The following ZBED6 variants were observed in gnomAD, a reference collection of about 807,000 sequenced individuals.
ZBED6 encodes zinc finger BED domain-containing protein 6.
A neutral mutation model predicts 58.4 loss-of-function variants in ZBED6; 40 were observed. The ratio of observed to expected loss-of-function variants is 0.68; its 90% CI spans 0.53 to 0.89. The LOEUF is 0.89. Among genes scored for constraint, ZBED6 ranks in the 40% least tolerant of loss-of-function variants. The pLI is 0.00. For synonymous variants in ZBED6, 439 were observed against 350.6 expected (o/e 1.25, Z -2.82); for missense variants, 1,057 against 1,003.9 (o/e 1.05, Z -0.71).
At chr1:203,820,468 A>ATGTGTGTGTGTGTGTGTGTGTGTGTGTG (rs71145033) in intron 3 of ZBED6, among the ~76,000 whole-genome samples, 1,876 of 150,458 alleles carry the variant, frequency 0.012, 18 homozygotes, top group South Asian at 0.04. Flanking sequence ...ATCACAAATT[A>ATGTGTGTGTGTGTGTGTGTGTGTGTGTG]TGTGTGTGTG....
chr1:203,826,292 C>G (rs1680492073), intron 3 of ZBED6, among the ~76,000 whole-genome samples: 1 of 151,472 alleles, frequency 6.6e-6, no homozygotes, highest in South Asian at 2.1e-4. Context: ...AGGTAGTGTG[C>G]CCACAGTAGC....
intron 1 of ZBED6, among the ~76,000 whole-genome samples, chr1:203,811,055 C>T (rs1674310594): frequency 1.3e-5 from 2 of 151,068 alleles, no homozygotes; most frequent in Admixed American, 6.6e-5. Flanking sequence ...GCAAGAGAAT[C>T]GCTTGAAACC....
intron 1 of ZBED6, among the ~76,000 whole-genome samples, chr1:203,807,518 T>TA (rs1672779576): frequency 6.6e-6 from 1 of 151,878 alleles, no homozygotes; most frequent in Non-Finnish European, 1.5e-5. Flanking sequence ...TGTTTTGTCT[T>TA]ACTGTTTTTT....
intron 1 of ZBED6, among the ~76,000 whole-genome samples, chr1:203,815,219 T>TTTTC (rs1675922592): frequency 7.7e-6 from 1 of 129,618 alleles, no homozygotes; most frequent in African/African-American, 2.9e-5. Context: ...TTCTTTTCTT[T>TTTTC]TTTTTTTTTT....
exon 1 of ZBED6, chr1:203,801,443 T>C (rs1410386043): frequency 1.3e-5 from 2 of 152,270 alleles, no homozygotes; most frequent in Admixed American, 6.5e-5. Context: ...TTAAGATCCC[T>C]TTCTACTCTG....
chr1:203,810,385 C>T (rs1490993318), intron 1 of ZBED6, among the ~76,000 whole-genome samples: 2 of 148,990 alleles, frequency 1.3e-5, no homozygotes, highest in Non-Finnish European at 3.0e-5. Flanking sequence ...TTCTTTATCT[C>T]TTATTTCCTT....
chr1:203,812,449 A>T (rs1286050502), intron 1 of ZBED6, among the ~76,000 whole-genome samples: 1 of 152,068 alleles, frequency 6.6e-6, no homozygotes, highest in Non-Finnish European at 1.5e-5. Context: ...TGCAAAGGAC[A>T]TGATTTTGTT....
At chr1:203,808,990 C>G (rs935621057) in intron 1 of ZBED6, among the ~76,000 whole-genome samples, 2 of 151,784 alleles carry the variant, frequency 1.3e-5, no homozygotes, top group African/African-American at 4.8e-5. Flanking sequence ...GCCACCACGC[C>G]CAGCTAATTT....
chr1:203,810,487 T>G (rs1674053583), intron 1 of ZBED6, among the ~76,000 whole-genome samples: 1 of 150,598 alleles, frequency 6.6e-6, no homozygotes, highest in Admixed American at 6.6e-5. Context: ...TGGCGCGATC[T>G]CAGCTCACTG....
chr1:203,819,136 G>GTATATGTGTGTATATACACACACGTGTA (rs1194758022), intron 3 of ZBED6, among the ~76,000 whole-genome samples: 1 of 143,770 alleles, frequency 7.0e-6, no homozygotes, highest in African/African-American at 2.8e-5. Flanking sequence ...ATATACATAT[G>GTATATGTGTGTATATACACACACGTGTA]TATATGTGTG....
chr1:203,848,198 CA>C (rs2103414845), intron 12 of ZBED6, 132 bp from the exon 13 acceptor site: 4 of 751,144 alleles, frequency 5.3e-6, no homozygotes, highest in South Asian at 1.9e-5. Flanking sequence ...ACTTTAGGAG[CA>C]CAGATGGGCT....
chr1:203,821,197 C>A (rs139488525), intron 3 of ZBED6, among the ~76,000 whole-genome samples: 15 of 152,258 alleles, frequency 9.9e-5, no homozygotes, highest in African/African-American at 3.6e-4. Flanking sequence ...CCTTTGCTCG[C>A]GCTCTCTTGC....
At chr1:203,824,938 A>C (rs1200016784) in intron 3 of ZBED6, among the ~76,000 whole-genome samples, 1 of 151,988 alleles carries the variant, frequency 6.6e-6, no homozygotes, top group Non-Finnish European at 1.5e-5. Context: ...TTAGCCGGGC[A>C]TGGTGACACG....
intron 15 of ZBED6, 28 bp from the exon 16 acceptor site, chr1:203,851,029 C>G (rs1392072529): frequency 6.2e-7 from 1 of 1,611,304 alleles, no homozygotes; most frequent in South Asian, 1.1e-5. Flanking sequence ...CTGACTCTCA[C>G]TGAATTACCT....
chr1:203,800,491 C>T, exon 1 of ZBED6: 1 of 1,458,994 alleles, frequency 6.9e-7, no homozygotes, highest in Non-Finnish European at 9.0e-7. Flanking sequence ...AAATGGGCAA[C>T]TTTTTGCTGT....
intron 11 of ZBED6, 87 bp downstream of exon 11, chr1:203,840,461 T>C (rs1685750951): frequency 1.5e-6 from 2 of 1,350,380 alleles, no homozygotes; most frequent in Admixed American, 2.3e-5. Context: ...TGTTGCTTGC[T>C]AGGGCTTTTG....
chr1:203,806,384 C>A lies in ZBED6; in HGVS notation c.*2554+3368C>A, dbSNP rs971437578. ...TGGCATAATCTTGGCTCACTGCAGC[C>A]TCTGCCTTCCGGGTTCAAGCGATTC... On this transcript the variant is annotated intron_variant, in intron 1 of 16. Transcript: ENST00000550078. The A allele has an allele frequency of 2.7e-5, 5 of 187,174 alleles. No individual in the cohort carries two copies. The Admixed American group carries it at 3.0e-4, about 11-fold the overall frequency. 11.6% of individuals were successfully genotyped at this position (187,174 alleles called of 1,614,324 possible). A position where few individuals can be genotyped will look rare whatever the true frequency, so the allele number is the denominator to read the frequency against.
At position 203,831,802 on chromosome 1, in the gene ZBED6, A is replaced by G. The variant is rs16852383; in HGVS notation, c.*3510+31A>G. The G allele has an allele frequency of 2.1e-3, 3,217 of 1,547,864 alleles. 76 individuals are homozygous for G. In the African/African-American group the frequency reaches 0.04, roughly 19 times the overall value. ...GTATAGATAGGTCTTAGAGTTGTCA[A>G]GCCTCTACTTTTATATAATTGGGAA... On this transcript the variant is annotated intron_variant, in intron 8 of 16. Transcript: ENST00000550078.
rs978766546 is a variant in ZBED6 at position 203,797,993 on chromosome 1, C to T, written c.471C>T (p.Ser157=). ...CCATTTGTAACCTCTGTGAGAAAAGCGTCAGCAGGGGTAAACCAGGTAGCC... is the reference window on the plus strand; with the variant it reads ...CCATTTGTAACCTCTGTGAGAAAAGTGTCAGCAGGGGTAAACCAGGTAGCC... Residue 157 remains serine, a synonymous_variant, in exon 1 of 17, where the codon AGC becomes AGT. Coordinates refer to ENST00000550078, the Ensembl canonical transcript of ZBED6. 25 of 1,533,532 alleles carry T rather than the reference C, an allele frequency of 1.6e-5. No homozygotes were observed. In the Admixed American group the frequency reaches 2.6e-4, roughly 16 times the overall value. The allele number at this position is 1,533,532 out of a possible 1,614,324, so 95.0% of individuals were successfully genotyped here. A position where few individuals can be genotyped will look rare whatever the true frequency, so the allele number is the denominator to read the frequency against.
Sources: allele counts gnomAD v4.1 joint callset (sites outside exome capture counted in the v4.1 genomes callset), GRCh38; gene constraint gnomAD v4.1.1; transcripts MANE v1.5; gene names NCBI Gene and HGNC (gene_info 2026-07-23, HGNC 2026-07-21).